The following SLC52A3 variants were observed in gnomAD, a reference collection of about 807,000 sequenced individuals.
SLC52A3 encodes the protein solute carrier family 52 member 3.
In SLC52A3, 20 loss-of-function variants were observed where a neutral mutation model predicts 29.5. The ratio of observed to expected loss-of-function variants is 0.68; its 90% CI spans 0.48 to 0.99. SLC52A3 has a LOEUF of 0.99. Ranked by LOEUF, SLC52A3 falls within the 50% of genes least tolerant of loss-of-function variation. The pLI is 0.00. For synonymous variants in SLC52A3, 301 were observed against 271.0 expected (o/e 1.11, Z -1.09); for missense variants, 548 against 612.9 (o/e 0.89, Z 1.12).
intron 1 of SLC52A3, among the ~76,000 whole-genome samples, chr20:766,807 T>C (rs1986701926): frequency 6.6e-6 from 1 of 152,076 alleles, no homozygotes; most frequent in Non-Finnish European, 1.5e-5. Flanking sequence ...TCCTAATATA[T>C]AAAGAGTTTT....
At position 761,030 on chromosome 20, in the gene SLC52A3, G is replaced by C. The variant is rs1355572614; in HGVS notation, c.1406C>G (p.Ala469Gly). ...GGGGCGGGGTCGGCGGCCTGCCTAG[G>C]CTGGACAGTGCAGATTGCAGAAGTC... ...SADFCNLHCP[A>G] is the part of the protein sequence containing the mutation. The change falls in exon 5 of 5, where the codon GCC (alanine) becomes GGC (glycine). Residue 469 changes from alanine to glycine, a missense_variant. Physicochemically the swap from Ala to Gly is moderately conservative, Grantham distance 60. Coordinates refer to ENST00000645534, the MANE Select transcript of SLC52A3 (RefSeq NM_033409.4). 3 of 1,603,882 alleles carry C rather than the reference G, an allele frequency of 1.9e-6. No individual in the cohort carries two copies. The highest frequency in any genetic ancestry group is 2.6e-6 in the Non-Finnish European group (3 of 1,176,308).
At position 765,064 on chromosome 20, in the gene SLC52A3, A is replaced by G. The variant is rs1986628486; in HGVS notation, c.567+144T>C. On this transcript the variant is annotated intron_variant, in intron 2 of 4. Coordinates refer to ENST00000645534, the MANE Select transcript of SLC52A3 (RefSeq NM_033409.4). This position sits in a 1 kb window ranked among gnomAD's most constrained non-coding sequence, Gnocchi z 6.6. ...CGTATGTATGTAAGTAATTAAAATG[A>G]GTTTCCTGCTGTTGATCTGCCTTAT... 4 of 922,170 alleles carry G rather than the reference A, an allele frequency of 4.3e-6. No homozygotes were observed. Among genetic ancestry groups the G allele is most frequent in the Non-Finnish European group, 6.8e-6 (4 of 586,174 alleles). 57.1% of individuals were successfully genotyped at this position (922,170 alleles called of 1,614,324 possible).
intron 4 of SLC52A3, 94 bp downstream of exon 4, chr20:761,607 C>T (rs746517366): frequency 1.3e-6 from 2 of 1,564,934 alleles, no homozygotes; most frequent in South Asian, 2.3e-5. Context: ...CCACAGACCC[C>T]GCTCGCTGGA....
chr20:775,020 C>T (rs1233599212), intron 1 of SLC52A3, among the ~76,000 whole-genome samples: 1 of 152,238 alleles, frequency 6.6e-6, no homozygotes, highest in Non-Finnish European at 1.5e-5. Flanking sequence ...ATAACAGGCG[C>T]TCAGCCTGGC....
intron 1 of SLC52A3, among the ~76,000 whole-genome samples, chr20:766,883 AG>A (rs1195715928): frequency 6.6e-6 from 1 of 152,234 alleles, no homozygotes; most frequent in Non-Finnish European, 1.5e-5. Context: ...TCAGAGAAAA[AG>A]GTACAAATAA....
In SLC52A3 at chr20:765,641, G is replaced by A. The variant is rs776065357; in HGVS notation, c.134C>T (p.Thr45Met). The A allele has an allele frequency of 2.8e-5, 45 of 1,610,336 alleles. No homozygotes were observed. The highest frequency in any genetic ancestry group is 8.4e-5 in the Admixed American group (5 of 59,286). Reference sequence around the variant, plus strand: ...GATGTTGGCCAGCTGGATGACCACCGTGAGGTAGGAGGGCAGGTACCAGCC... The same window carrying A: ...GATGTTGGCCAGCTGGATGACCACCATGAGGTAGGAGGGCAGGTACCAGCC... The part of the protein sequence containing the change: ...PEGWYLPSYL[T>M]VVIQLANIGP... The change falls in exon 2 of 5, where the codon ACG (threonine) becomes ATG (methionine). Residue 45 changes from threonine to methionine, a missense_variant. Physicochemically the swap from Thr to Met is moderately conservative, Grantham distance 81. Coordinates refer to ENST00000645534, the MANE Select transcript of SLC52A3 (RefSeq NM_033409.4). This position sits in a 1 kb window ranked among gnomAD's most constrained non-coding sequence, Gnocchi z 6.6.
chr20:769,390 G>A (rs569971305), upstream of SLC52A3, among the ~76,000 whole-genome samples: 5 of 152,266 alleles, frequency 3.3e-5, no homozygotes, highest in African/African-American at 7.2e-5. Flanking sequence ...TCAAATCCCA[G>A]CTTCAACCCT....
chr20:778,583 G>A (rs1278213714), upstream of SLC52A3, among the ~76,000 whole-genome samples: 1 of 152,126 alleles, frequency 6.6e-6, no homozygotes, highest in Admixed American at 6.6e-5. Context: ...AAGGTGGAGG[G>A]AAGCCATGTT....
In SLC52A3 at chr20:765,144, T is replaced by A; in HGVS notation, c.567+64A>T. The A allele has an allele frequency of 6.3e-7, 1 of 1,587,350 alleles. No homozygotes were observed. The highest frequency in any genetic ancestry group is 8.6e-7 in the Non-Finnish European group (1 of 1,157,036). On this transcript the variant is annotated intron_variant, in intron 2 of 4. Coordinates refer to ENST00000645534, the MANE Select transcript of SLC52A3 (RefSeq NM_033409.4). This position sits in a 1 kb window ranked among gnomAD's most constrained non-coding sequence, Gnocchi z 6.6. ...ACCTAGAAGGATGGAGGTGAGCAGT[T>A]TTTCCCTCCCCTACATTTGTGATAA...
At chr20:779,208 T>C (rs650358), upstream of SLC52A3, among the ~76,000 whole-genome samples, 72,848 of 152,084 alleles carry the variant, frequency 0.48, 18,049 homozygotes, top group East Asian at 0.77. Context: ...AGTAAATGAA[T>C]TGGTTGTTTA....
Position 763,647 on chromosome 20 carries a change from G to A in SLC52A3, c.924C>T (p.Ala308=). Residue 308 remains alanine, a synonymous_variant, in exon 3 of 5, where the codon GCC becomes GCT. Coordinates refer to ENST00000645534, the MANE Select transcript of SLC52A3 (RefSeq NM_033409.4). ...AHLAFIYTLV[A]FVNALTNGML... is the part of the protein sequence containing the mutation. ...TGCCGTTGGTGAGCGCGTTGACGAA[G>A]GCCACCAGGGTATAGATGAAGGCCA... 6.2e-7 allele frequency: 1 copy of A among 1,614,196 alleles called. No homozygotes were observed.
At chr20:775,268 CT>C (rs57095806) in intron 1 of SLC52A3, among the ~76,000 whole-genome samples, 1,707 of 133,394 alleles carry the variant, frequency 0.013, 34 homozygotes, top group African/African-American at 0.039. Context: ...GGGGCCCAGT[CT>C]TTTTTTTTTT....
intron 1 of SLC52A3, among the ~76,000 whole-genome samples, chr20:767,080 G>A (rs1420097994): frequency 1.3e-5 from 2 of 152,178 alleles, no homozygotes; most frequent in Admixed American, 1.3e-4. Context: ...TACCAACAGA[G>A]AGGGGGCTAA....
At chr20:764,040 G>A (rs2068196864) in intron 2 of SLC52A3, 37 bp from the exon 3 acceptor site, 1 of 1,462,482 alleles carries the variant, frequency 6.8e-7, no homozygotes, top group Non-Finnish European at 9.3e-7. Context: ...TCAGGGGAGG[G>A]GATCAGGCTG....
chr20:760,226 AG>A lies in SLC52A3; in HGVS notation c.*799del. Reference sequence around the variant, plus strand: ...ACCTGGTCGGGGAGTTCACTTTCAGAGGCTCAGGGATGGGCCTTCCCCAGCC... The same window carrying A: ...ACCTGGTCGGGGAGTTCACTTTCAGAGCTCAGGGATGGGCCTTCCCCAGCC... On this transcript the variant is annotated 3_prime_UTR_variant, in exon 5 of 5. Transcript: ENST00000645534. This position sits in a 1 kb window ranked among gnomAD's most constrained non-coding sequence, Gnocchi z 4.9. 1 of 152,304 alleles carries A rather than the reference AG, an allele frequency of 6.6e-6. No individual in the cohort carries two copies. Among genetic ancestry groups the A allele is most frequent in the South Asian group, 2.1e-4 (1 of 4,824 alleles). 9.4% of individuals were successfully genotyped at this position (152,304 alleles called of 1,614,324 possible).
At chr20:767,437 C>T (rs1417856560) in intron 1 of SLC52A3, among the ~76,000 whole-genome samples, 1 of 151,768 alleles carries the variant, frequency 6.6e-6, no homozygotes, top group African/African-American at 2.4e-5. Context: ...CTCACTGCAA[C>T]CTCTACCTCC....
chr20:767,508 A>C (rs1217842155), intron 1 of SLC52A3, among the ~76,000 whole-genome samples: 2 of 151,612 alleles, frequency 1.3e-5, no homozygotes, highest in African/African-American at 2.4e-5. Flanking sequence ...GGCGCCCACC[A>C]CTACGCCCAG....
At chr20:777,112 T>A (rs891769439), upstream of SLC52A3, among the ~76,000 whole-genome samples, 1 of 151,998 alleles carries the variant, frequency 6.6e-6, no homozygotes, top group Admixed American at 6.6e-5. Context: ...GGCGGACACC[T>A]GTAATCCCAG....
intron 1 of SLC52A3, among the ~76,000 whole-genome samples, chr20:773,694 G>A (rs914126419): frequency 4.6e-5 from 7 of 152,140 alleles, no homozygotes; most frequent in Non-Finnish European, 4.4e-5. Context: ...CTAAGGCTTC[G>A]CATGAGACAG....
Sources: gnomAD v4.1 joint callset for allele counts (sites outside exome capture counted in the v4.1 genomes callset) on GRCh38, gnomAD v4.1.1 for gene constraint, Gnocchi (gnomAD v3.1) non-coding constraint, MANE v1.5 for transcripts, NCBI Gene and HGNC (gene_info 2026-07-23, HGNC 2026-07-21) for gene names.